The following COBL variants were observed in gnomAD, a reference collection of about 807,000 sequenced individuals.
COBL encodes the protein protein cordon-bleu.
In COBL, 51 loss-of-function variants were observed where a neutral mutation model predicts 98.8. That is an observed-to-expected ratio of 0.52 (90% CI 0.41 to 0.65). The LOEUF (loss-of-function observed/expected upper bound fraction) is 0.65. Among genes scored for constraint, COBL ranks in the 30% least tolerant of loss-of-function variants. The pLI is 0.00. For missense variants in COBL, 1,617 were observed against 1,617.5 expected, an observed-to-expected ratio of 1.00 and a Z score of 0.01; for synonymous variants, 634 against 651.7, an observed-to-expected ratio of 0.97 and a Z score of 0.41.
chr7:51,025,471 G>T (rs1257488262), intron 11 of COBL, 99 bp from the exon 12 acceptor site: 1 of 1,252,012 alleles, frequency 8.0e-7, no homozygotes. Context: ...AGGAGATGAG[G>T]ATTGGGGGTG....
At chr7:51,166,640 G>A (rs557991602) in intron 5 of COBL, among the ~76,000 whole-genome samples, 100 of 152,032 alleles carry the variant, frequency 6.6e-4, no homozygotes, top group African/African-American at 2.3e-3. Flanking sequence ...ACCAGACAAT[G>A]ACACATCAAC....
intron 2 of COBL, among the ~76,000 whole-genome samples, chr7:51,197,684 G>A (rs1481770184): frequency 6.6e-6 from 1 of 152,112 alleles, no homozygotes; most frequent in Non-Finnish European, 1.5e-5. Context: ...TGCTTTATGA[G>A]TCAGAGTGCT....
chr7:51,043,490 G>A lies in COBL; in HGVS notation c.1299C>T (p.Ala433=), dbSNP rs750954180. Residue 433 remains alanine (A), a synonymous_variant, in exon 8 of 13, where the codon GCC becomes GCT. Coordinates refer to ENST00000265136, the MANE Select transcript of COBL (RefSeq NM_015198.5). ...GGTCACTGCAGTCTTCCTGGTCTGT[G>A]GCCCACTTGTCTTTGTATTTCATGC... ...QDSMKYKDKW[A]TDQEDCSDQD... is the part of the protein sequence containing the mutation. 5 of 1,614,216 alleles carry A rather than the reference G, an allele frequency of 3.1e-6. No individual in the cohort carries two copies. In the South Asian group the frequency reaches 5.5e-5, roughly 18 times the overall value.
intron 7 of COBL, among the ~76,000 whole-genome samples, chr7:51,069,923 G>A (rs1055111632): frequency 6.6e-6 from 1 of 152,296 alleles, no homozygotes; most frequent in East Asian, 1.9e-4. Flanking sequence ...GAAACAGTGT[G>A]TCCAGTCTAA....
At chr7:51,076,675 T>G (rs1157645559) in intron 7 of COBL, among the ~76,000 whole-genome samples, 1 of 152,202 alleles carries the variant, frequency 6.6e-6, no homozygotes, top group East Asian at 1.9e-4. Context: ...GGTCACAAAT[T>G]TAAAATCAAT....
At chr7:51,226,741 G>A (rs1269689002) in intron 1 of COBL, among the ~76,000 whole-genome samples, 2 of 152,150 alleles carry the variant, frequency 1.3e-5, no homozygotes, top group Non-Finnish European at 2.9e-5. Context: ...AGGAATCCTC[G>A]CATCCTGTAC....
At chr7:51,112,474 T>C (rs1483472305) in intron 6 of COBL, among the ~76,000 whole-genome samples, 2 of 152,190 alleles carry the variant, frequency 1.3e-5, no homozygotes, top group Non-Finnish European at 2.9e-5. Context: ...ATGAGCACTG[T>C]TTCCTTTCTA....
intron 12 of COBL, chr7:51,020,840 G>T (rs1786858809): frequency 6.6e-6 from 1 of 152,232 alleles, no homozygotes; most frequent in Non-Finnish European, 1.5e-5. Flanking sequence ...CACCGTGAAG[G>T]CAAATGTAAT....
At chr7:51,126,913 G>A (rs1228212306) in intron 6 of COBL, among the ~76,000 whole-genome samples, 2 of 152,086 alleles carry the variant, frequency 1.3e-5, no homozygotes, top group South Asian at 2.1e-4. Flanking sequence ...CATTCGTCTC[G>A]CATGAGCCTC....
At position 51,065,205 on chromosome 7, in the gene COBL, T is replaced by C. The variant is rs117828843; in HGVS notation, c.1096+19961A>G. ...TAGGTAAGACACAAGATGGGTTGTGTGTGTGTGCGTGTGTGTGTCTAAGTG... is the reference window on the plus strand; with the variant it reads ...TAGGTAAGACACAAGATGGGTTGTGCGTGTGTGCGTGTGTGTGTCTAAGTG... On this transcript the variant is annotated intron_variant, in intron 7 of 12. Coordinates refer to ENST00000265136, the MANE Select transcript of COBL (RefSeq NM_015198.5). 398 of 703,378 alleles carry C rather than the reference T, an allele frequency of 5.7e-4. 3 individuals are homozygous for C. In the East Asian group the frequency reaches 0.011, roughly 19 times the overall value. 43.6% of individuals were successfully genotyped at this position (703,378 alleles called of 1,614,324 possible). A position where few individuals can be genotyped will look rare whatever the true frequency, so the allele number is the denominator to read the frequency against.
chr7:51,017,820 A>C (rs1400653178), intron 12 of COBL, among the ~76,000 whole-genome samples: 1 of 152,134 alleles, frequency 6.6e-6, no homozygotes, highest in Non-Finnish European at 1.5e-5. Context: ...AGGTCAAGGG[A>C]ACTGGGAGGT....
intron 5 of COBL, among the ~76,000 whole-genome samples, chr7:51,143,714 G>C (rs776842560): frequency 3.9e-5 from 6 of 152,200 alleles, no homozygotes; most frequent in Non-Finnish European, 8.8e-5. Context: ...TACCAAATCA[G>C]GAAGGCTTCC....
At chr7:51,062,267 G>GTCTCTCTC (rs146409423) in intron 7 of COBL, among the ~76,000 whole-genome samples, 2,330 of 149,132 alleles carry the variant, frequency 0.016, 30 homozygotes, top group Non-Finnish European at 0.024. Flanking sequence ...AACAGTTCAT[G>GTCTCTCTC]TCTCTCTCTC....
chr7:51,274,501 G>T (rs1799103991), intron 1 of COBL, among the ~76,000 whole-genome samples: 1 of 152,186 alleles, frequency 6.6e-6, no homozygotes. Flanking sequence ...CATTATCCAT[G>T]AAAGAAGGAA....
At position 51,193,706 on chromosome 7, in the gene COBL, A is replaced by G. The variant is rs1399927511; in HGVS notation, c.246-117T>C. 3.5e-6 allele frequency: 3 copies of G among 850,014 alleles called. No homozygotes were observed. The Admixed American group carries it at 7.7e-5, about 22-fold the overall frequency. 52.7% of individuals were successfully genotyped at this position (850,014 alleles called of 1,614,324 possible). On this transcript the variant is annotated intron_variant, in intron 2 of 12. Transcript: ENST00000265136. ...ATGAATGAGCAAATTAGATATGCTTATGAAAAAAGACAACAGAAGCTCATT... is the reference window on the plus strand; with the variant it reads ...ATGAATGAGCAAATTAGATATGCTTGTGAAAAAAGACAACAGAAGCTCATT...
rs181711266 is a variant in COBL, at chr7:51,056,211, G to C, written c.1097-12519C>G. ...AAACAAAGAGCAAAGAAACAATATG[G>C]GGGGGTGCATGATGAAGTGGGGGCA... On this transcript the variant is annotated intron_variant, in intron 7 of 12. Transcript: ENST00000265136. Among the ~76,000 whole-genome samples the C allele has an allele frequency of 3.5e-3, 517 of 147,082 alleles. 3 individuals carry two copies. Among genetic ancestry groups the C allele is most frequent in the African/African-American group, 0.012 (474 of 40,226 alleles).
chr7:51,210,712 T>G (rs1792330585), intron 2 of COBL, among the ~76,000 whole-genome samples: 1 of 152,224 alleles, frequency 6.6e-6, no homozygotes, highest in Admixed American at 6.5e-5. Flanking sequence ...CCCAGTCTCA[T>G]GTAAAATTCA....
chr7:51,060,466 A>T (rs1275097611), intron 7 of COBL, among the ~76,000 whole-genome samples: 1 of 152,168 alleles, frequency 6.6e-6, no homozygotes, highest in African/African-American at 2.4e-5. Context: ...CACTACCTTG[A>T]AGCAGCTGGT....
At chr7:51,101,738 T>C (rs1407251964) in intron 6 of COBL, among the ~76,000 whole-genome samples, 1 of 152,364 alleles carries the variant, frequency 6.6e-6, no homozygotes, top group Admixed American at 6.5e-5. Flanking sequence ...GAAAATACTT[T>C]AAAAGTCTAT....
Sources: allele counts gnomAD v4.1 joint callset (sites outside exome capture counted in the v4.1 genomes callset), GRCh38; gene constraint gnomAD v4.1.1; transcripts MANE v1.5; gene names NCBI Gene and HGNC (gene_info 2026-07-23, HGNC 2026-07-21).